CAST: variants seen among roughly 807,000 people sequenced by gnomAD.
CAST encodes the protein calpastatin.
A neutral mutation model predicts 119.6 loss-of-function variants in CAST; 76 were observed. The ratio of observed to expected loss-of-function variants is 0.64; its 90% CI spans 0.53 to 0.77. The LOEUF is 0.77. Ranked by LOEUF, CAST falls within the 30% of genes least tolerant of loss-of-function variation. CAST has a pLI of 0.00. For missense variants in CAST, 953 were observed against 946.5 expected, an observed-to-expected ratio of 1.01 and a Z score of -0.09; for synonymous variants, 319 against 331.6, an observed-to-expected ratio of 0.96 and a Z score of 0.41.
chr5:96,242,241 A>G, the CAST span, among the ~76,000 whole-genome samples: 2 of 151,952 alleles, frequency 1.3e-5, no homozygotes, highest in South Asian at 2.1e-4. Context: ...TGATTTTTGT[A>G]TAAGGTGTAA....
chr5:96,160,221 C>A, the CAST span, among the ~76,000 whole-genome samples: 18 of 152,054 alleles, frequency 1.2e-4, no homozygotes, highest in Admixed American at 1.2e-3. Context: ...TTTGGAACAT[C>A]TCACCGCCCA....
At chr5:95,979,101 T>C in the CAST span, among the ~76,000 whole-genome samples, 1 of 152,220 alleles carries the variant, frequency 6.6e-6, no homozygotes. Flanking sequence ...GGCTCTATCA[T>C]GTAATGTTGC....
chr5:96,405,297 G>T, the CAST span, among the ~76,000 whole-genome samples: 1 of 152,160 alleles, frequency 6.6e-6, no homozygotes, highest in Admixed American at 6.5e-5. Context: ...CGAACACTGA[G>T]AATCTGGTGA....
chr5:96,333,069 G>A, the CAST span, among the ~76,000 whole-genome samples: 2 of 151,770 alleles, frequency 1.3e-5, no homozygotes, highest in East Asian at 1.9e-4. Flanking sequence ...TTTTTATAGC[G>A]TCTCTCCTTG....
chr5:96,402,339 T>G, the CAST span, among the ~76,000 whole-genome samples: 2 of 152,212 alleles, frequency 1.3e-5, no homozygotes, highest in Non-Finnish European at 2.9e-5. Flanking sequence ...GAGAGGAGTT[T>G]CCATGAAGGC....
chr5:96,126,156 G>A, the CAST span, among the ~76,000 whole-genome samples: 1 of 152,086 alleles, frequency 6.6e-6, no homozygotes, highest in Non-Finnish European at 1.5e-5. Context: ...ATGAAGGAAA[G>A]GTTCCTTTGG....
At chr5:96,317,855 C>T in the CAST span, among the ~76,000 whole-genome samples, 367 of 152,170 alleles carry the variant, frequency 2.4e-3, 2 homozygotes, top group Admixed American at 3.1e-3. Context: ...ACATCTGCAC[C>T]CTGATATTAT....
At chr5:96,469,934 T>C in the CAST span, among the ~76,000 whole-genome samples, 20 of 147,046 alleles carry the variant, frequency 1.4e-4, no homozygotes, top group African/African-American at 4.4e-4. Flanking sequence ...CCAAGGAAGA[T>C]ACATGCTTAA....
At chr5:96,557,900 A>G (rs528023243) in intron 1 of CAST, among the ~76,000 whole-genome samples, 1 of 152,202 alleles carries the variant, frequency 6.6e-6, no homozygotes, top group Non-Finnish European at 1.5e-5. Flanking sequence ...AACACACTAT[A>G]CATTCTTTTC....
At chr5:96,731,473 GT>G (rs201905440) in intron 9 of CAST, among the ~76,000 whole-genome samples, 9,921 of 112,712 alleles carry the variant, frequency 0.088, 479 homozygotes, top group African/African-American at 0.2. Flanking sequence ...ATCCTTTAAG[GT>G]TTTTTTTTTT....
intron 6 of CAST, among the ~76,000 whole-genome samples, chr5:96,727,808 C>T (rs1759560808): frequency 6.6e-6 from 1 of 151,998 alleles, no homozygotes; most frequent in Non-Finnish European, 1.5e-5. Flanking sequence ...ATAGTGATTG[C>T]TTTAAAAAAG....
At chr5:96,149,733 C>A in the CAST span, among the ~76,000 whole-genome samples, 1 of 152,182 alleles carries the variant, frequency 6.6e-6, no homozygotes, top group East Asian at 1.9e-4. Context: ...CATGTCTAGA[C>A]AAAGAATTGA....
At chr5:96,285,196 A>T in the CAST span, among the ~76,000 whole-genome samples, 15 of 152,240 alleles carry the variant, frequency 9.9e-5, no homozygotes, top group Admixed American at 2.0e-4. Context: ...GGTACTGGGG[A>T]TATAACAACA....
At chr5:96,261,052 T>A in the CAST span, among the ~76,000 whole-genome samples, 3 of 152,156 alleles carry the variant, frequency 2.0e-5, no homozygotes, top group Non-Finnish European at 4.4e-5. Context: ...ATCTTCTCTC[T>A]TTTTTTGGTC....
intron 1 of CAST, among the ~76,000 whole-genome samples, chr5:96,606,629 G>A (rs571666447): frequency 9.8e-5 from 15 of 152,308 alleles, no homozygotes; most frequent in African/African-American, 2.9e-4. Flanking sequence ...AGGTTGGCTC[G>A]GAAAGAAGGA....
At chr5:96,491,671 G>A in the CAST span, among the ~76,000 whole-genome samples, 1 of 151,990 alleles carries the variant, frequency 6.6e-6, no homozygotes, top group Non-Finnish European at 1.5e-5. Flanking sequence ...CTAGATATAT[G>A]CCCAACAGGA....
At chr5:96,370,119 A>G in the CAST span, among the ~76,000 whole-genome samples, 3 of 151,694 alleles carry the variant, frequency 2.0e-5, no homozygotes, top group South Asian at 6.3e-4. Flanking sequence ...AACTCATTAT[A>G]GGAGGTATTA....
At chr5:96,226,308 C>T in the CAST span, among the ~76,000 whole-genome samples, 15 of 152,276 alleles carry the variant, frequency 9.9e-5, no homozygotes, top group East Asian at 2.9e-3. Context: ...ACAGTAGGAA[C>T]TCTTCAAAAC....
chr5:96,752,785 TC>T (rs1372574493), intron 20 of CAST, among the ~76,000 whole-genome samples: 1 of 151,770 alleles, frequency 6.6e-6, no homozygotes, highest in African/African-American at 2.4e-5. Flanking sequence ...CATTGTGAGG[TC>T]AGAGATTTTA....
Sources: gnomAD v4.1 joint callset for allele counts (sites outside exome capture counted in the v4.1 genomes callset) on GRCh38, gnomAD v4.1.1 for gene constraint, MANE v1.5 for transcripts, NCBI Gene and HGNC (gene_info 2026-07-23, HGNC 2026-07-21) for gene names.